The following PRR5L variants were observed in gnomAD, a reference collection of about 807,000 sequenced individuals.
PRR5L encodes the protein proline-rich protein 5-like.
Under a neutral mutation model 36.4 loss-of-function variants are expected in PRR5L, and 21 were observed. The observed-to-expected ratio is 0.58, with a 90% CI of 0.41 to 0.83. The LOEUF is 0.83. Ranked by LOEUF, PRR5L falls within the 40% of genes least tolerant of loss-of-function variation. The pLI, the probability that PRR5L is intolerant of heterozygous loss-of-function variation, is 0.00. For synonymous variants in PRR5L, 188 were observed against 197.0 expected (o/e 0.95, Z 0.38); for missense variants, 381 against 473.3 (o/e 0.80, Z 1.81).
rs1263096647 is a variant in PRR5L, at chr11:36,432,022, C to G, written c.352+112C>G. The G allele has an allele frequency of 3.5e-6, 3 of 866,550 alleles. No individual in the cohort carries two copies. The African/African-American group carries it at 5.0e-5, about 14-fold the overall frequency. 53.7% of individuals were successfully genotyped at this position (866,550 alleles called of 1,614,324 possible). On this transcript the variant is annotated intron_variant, in intron 5 of 8. Transcript: ENST00000530639. ...GGCAGGCTCCAAGCGAGTGATTCAC[C>G]CTGTCCGTTTCCTCCCTACCTAGGC... is the stretch of plus-strand genomic sequence containing the variant.
At chr11:36,432,972 C>A (rs1858532096) in intron 5 of PRR5L, among the ~76,000 whole-genome samples, 2 of 152,134 alleles carry the variant, frequency 1.3e-5, no homozygotes, top group Admixed American at 6.6e-5. Flanking sequence ...TAGAAATTAA[C>A]CTTTGCACAT....
chr11:36,315,308 A>G (rs1856544855), intron 1 of PRR5L, among the ~76,000 whole-genome samples: 1 of 152,226 alleles, frequency 6.6e-6, no homozygotes, highest in Non-Finnish European at 1.5e-5. Flanking sequence ...TTAAAAGCAT[A>G]TGTTTTTAAT....
chr11:36,456,670 A>G (rs2133633760), intron 8 of PRR5L, among the ~76,000 whole-genome samples: 1 of 152,338 alleles, frequency 6.6e-6, no homozygotes, highest in South Asian at 2.1e-4. Flanking sequence ...GTTATTCCAC[A>G]TCTCAACTTC....
chr11:36,422,460 G>A (rs1054837001), intron 4 of PRR5L, among the ~76,000 whole-genome samples: 22 of 152,152 alleles, frequency 1.4e-4, no homozygotes, highest in African/African-American at 4.1e-4. Flanking sequence ...CTGGGTGCTG[G>A]GCTCTGCATT....
intron 3 of PRR5L, among the ~76,000 whole-genome samples, chr11:36,407,244 C>G: frequency 6.6e-6 from 1 of 152,108 alleles, no homozygotes; most frequent in East Asian, 1.9e-4. Context: ...AATCCCAGCT[C>G]TTTGGGAGGC....
intron 1 of PRR5L, among the ~76,000 whole-genome samples, chr11:36,399,231 A>G (rs978214645): frequency 2.0e-5 from 3 of 152,038 alleles, no homozygotes; most frequent in Non-Finnish European, 4.4e-5. Flanking sequence ...AAACTGTTGA[A>G]CTCATTCTGA....
chr11:36,318,084 A>G (rs994136987), intron 1 of PRR5L, among the ~76,000 whole-genome samples: 6 of 152,236 alleles, frequency 3.9e-5, no homozygotes, highest in African/African-American at 1.4e-4. Flanking sequence ...AATATTTACC[A>G]TTGTGTTACA....
At chr11:36,363,997 G>A (rs1242368465) in intron 1 of PRR5L, among the ~76,000 whole-genome samples, 1 of 152,074 alleles carries the variant, frequency 6.6e-6, no homozygotes, top group Non-Finnish European at 1.5e-5. Flanking sequence ...TTTTAAATAA[G>A]GCACCTGCAT....
chr11:36,314,151 C>T (rs1204293417), intron 1 of PRR5L, among the ~76,000 whole-genome samples: 4 of 152,098 alleles, frequency 2.6e-5, no homozygotes, highest in African/African-American at 4.8e-5. Context: ...TGAGTCTTTT[C>T]GTTTATTTGT....
chr11:36,385,708 G>A (rs530938309), intron 1 of PRR5L, among the ~76,000 whole-genome samples: 2 of 152,316 alleles, frequency 1.3e-5, no homozygotes, highest in African/African-American at 4.8e-5. Context: ...GAGAGTCAGT[G>A]TTCATTCTTT....
chr11:36,333,406 C>T (rs1051434441), intron 1 of PRR5L, among the ~76,000 whole-genome samples: 2 of 152,168 alleles, frequency 1.3e-5, no homozygotes, highest in Non-Finnish European at 2.9e-5. Flanking sequence ...ATGAAGCATA[C>T]ATCTATATAA....
At chr11:36,388,697 TC>T (rs61438618) in intron 1 of PRR5L, among the ~76,000 whole-genome samples, 15,667 of 120,298 alleles carry the variant, frequency 0.13, 1,681 homozygotes, top group African/African-American at 0.2. Context: ...GCTCTTTCTT[TC>T]TTTTTTTTTT....
chr11:36,451,416 A>C, intron 8 of PRR5L, 81 bp downstream of exon 8: 1 of 1,514,560 alleles, frequency 6.6e-7, no homozygotes, highest in Non-Finnish European at 9.1e-7. Context: ...TGTTTAACTG[A>C]GCACTGATAC....
At chr11:36,369,705 C>T (rs10836542) in intron 1 of PRR5L, among the ~76,000 whole-genome samples, 13,695 of 152,180 alleles carry the variant, frequency 0.09, 1,252 homozygotes, top group African/African-American at 0.23. Context: ...AGCGATTCTC[C>T]TGCCTCAGCC....
At chr11:36,364,053 T>TG (rs1271583756) in intron 1 of PRR5L, among the ~76,000 whole-genome samples, 1 of 152,196 alleles carries the variant, frequency 6.6e-6, no homozygotes, top group East Asian at 1.9e-4. Flanking sequence ...CACAGACTAG[T>TG]GGGGGCAGAA....
intron 8 of PRR5L, among the ~76,000 whole-genome samples, chr11:36,456,702 A>T (rs1165409126): frequency 6.6e-6 from 1 of 152,254 alleles, no homozygotes; most frequent in Non-Finnish European, 1.5e-5. Context: ...CGAAGTGGTT[A>T]GAAGCCATCA....
chr11:36,389,339 T>C (rs1466210870), intron 1 of PRR5L, among the ~76,000 whole-genome samples: 2 of 152,178 alleles, frequency 1.3e-5, no homozygotes, highest in African/African-American at 4.8e-5. Flanking sequence ...CCTAAGAGGG[T>C]TTTGTGAAGA....
intron 1 of PRR5L, among the ~76,000 whole-genome samples, 174 bp from the exon 2 acceptor site, chr11:36,400,823 C>G (rs1857775594): frequency 6.6e-6 from 1 of 152,184 alleles, no homozygotes; most frequent in Non-Finnish European, 1.5e-5. Context: ...CACACTGTTA[C>G]AACCGAAAAG....
intron 1 of PRR5L, among the ~76,000 whole-genome samples, chr11:36,314,543 T>C (rs1856536011): frequency 6.6e-6 from 1 of 152,224 alleles, no homozygotes; most frequent in Non-Finnish European, 1.5e-5. Flanking sequence ...CACTTGGCTA[T>C]GTTTTAAGGG....
Sources: gnomAD v4.1 joint callset for allele counts (sites outside exome capture counted in the v4.1 genomes callset) on GRCh38, gnomAD v4.1.1 for gene constraint, MANE v1.5 for transcripts, NCBI Gene and HGNC (gene_info 2026-07-23, HGNC 2026-07-21) for gene names.